The following PPP1R9A variants were observed in gnomAD, a reference collection of about 807,000 sequenced individuals.
The protein encoded by PPP1R9A is neurabin-1.
PPP1R9A carries 59 observed loss-of-function variants against 141.9 expected under a neutral mutation model. The observed-to-expected ratio is 0.42, with a 90% CI of 0.34 to 0.52. The LOEUF (loss-of-function observed/expected upper bound fraction) is 0.52, where lower values mean the gene tolerates loss of function less well. Ranked by LOEUF, PPP1R9A falls within the 20% of genes least tolerant of loss-of-function variation. The pLI, the probability that PPP1R9A is intolerant of heterozygous loss-of-function variation, is 0.10. For synonymous variants in PPP1R9A, 500 were observed against 569.7 expected (o/e 0.88, Z 1.74); for missense variants, 1,444 against 1,611.9 (o/e 0.90, Z 1.78).
chr7:95,027,905 G>T (rs1647786319), intron 2 of PPP1R9A, among the ~76,000 whole-genome samples: 1 of 152,078 alleles, frequency 6.6e-6, no homozygotes, highest in South Asian at 2.1e-4. Context: ...TCTTTATGCT[G>T]CATGCCTCAT....
chr7:95,085,687 T>C (rs1420737639), intron 2 of PPP1R9A, among the ~76,000 whole-genome samples: 1 of 151,952 alleles, frequency 6.6e-6, no homozygotes, highest in Admixed American at 6.5e-5. Flanking sequence ...AGTGCTGAGA[T>C]TACAGGCATG....
intron 1 of PPP1R9A, 158 bp downstream of exon 1, chr7:94,907,860 C>G (rs1367698303): frequency 2.7e-5 from 4 of 149,266 alleles, no homozygotes; most frequent in African/African-American, 9.7e-5. Context: ...GCGGGCGCGT[C>G]GCTGCTCGGG....
chr7:95,119,863 A>T (rs1822212832), intron 3 of PPP1R9A, among the ~76,000 whole-genome samples: 1 of 151,898 alleles, frequency 6.6e-6, no homozygotes, highest in Non-Finnish European at 1.5e-5. Context: ...ATACATTCAT[A>T]TATGTCTAAG....
At chr7:95,067,511 C>T (rs148113102) in intron 2 of PPP1R9A, among the ~76,000 whole-genome samples, 1 of 152,238 alleles carries the variant, frequency 6.6e-6, no homozygotes, top group African/African-American at 2.4e-5. Context: ...AAAACAAAGA[C>T]AGTTTATAAC....
At chr7:95,212,226 A>G (rs780853308) in intron 7 of PPP1R9A, among the ~76,000 whole-genome samples, 68 of 152,280 alleles carry the variant, frequency 4.5e-4, no homozygotes, top group Admixed American at 2.6e-3. Flanking sequence ...ATTTCAGGGT[A>G]CATGTGACAA....
intron 8 of PPP1R9A, among the ~76,000 whole-genome samples, chr7:95,234,753 A>G (rs1796446692): frequency 6.6e-6 from 1 of 152,176 alleles, no homozygotes; most frequent in Non-Finnish European, 1.5e-5. Flanking sequence ...TGGAGGCATC[A>G]CATTACCCAA....
At chr7:95,271,815 A>G (rs1371078461) in intron 14 of PPP1R9A, among the ~76,000 whole-genome samples, 2 of 152,222 alleles carry the variant, frequency 1.3e-5, no homozygotes, top group Non-Finnish European at 2.9e-5. Context: ...AAAGCCTAAC[A>G]GAAGTCTTAC....
At chr7:95,032,594 C>G (rs998280731) in intron 2 of PPP1R9A, among the ~76,000 whole-genome samples, 2 of 152,186 alleles carry the variant, frequency 1.3e-5, no homozygotes, top group African/African-American at 4.8e-5. Context: ...TTATATTCTA[C>G]CCCACAATGG....
chr7:95,291,325 C>T lies in PPP1R9A; in HGVS notation c.*1022C>T, dbSNP rs1018488007. Reference sequence around the variant, plus strand: ...CTACTCAAGATTTCCCAGGTGGGCTCAGTTAGTATTTTAACAAATGTACTT... The same window carrying T: ...CTACTCAAGATTTCCCAGGTGGGCTTAGTTAGTATTTTAACAAATGTACTT... On this transcript the variant is annotated 3_prime_UTR_variant, in exon 20 of 20. Transcript: ENST00000433360. 2.6e-5 allele frequency: 4 copies of T among 152,134 alleles called. No individual in the cohort carries two copies. The highest frequency in any genetic ancestry group is 1.3e-4 in the Admixed American group (2 of 15,290). The allele number at this position is 152,134 out of a possible 1,614,324, so 9.4% of individuals were successfully genotyped here. A position where few individuals can be genotyped will look rare whatever the true frequency, so the allele number is the denominator to read the frequency against.
chr7:95,028,034 A>C (rs1048656184), intron 2 of PPP1R9A, among the ~76,000 whole-genome samples: 1 of 152,136 alleles, frequency 6.6e-6, no homozygotes, highest in Non-Finnish European at 1.5e-5. Flanking sequence ...GATAACATAA[A>C]ATTATTTTCA....
At chr7:94,944,962 CTA>C (rs1039117698) in intron 2 of PPP1R9A, among the ~76,000 whole-genome samples, 1 of 151,998 alleles carries the variant, frequency 6.6e-6, no homozygotes, top group Non-Finnish European at 1.5e-5. Context: ...TTTGATAAGA[CTA>C]AAAGCTTTTT....
At chr7:95,017,672 G>T (rs1805296521) in intron 2 of PPP1R9A, among the ~76,000 whole-genome samples, 1 of 152,134 alleles carries the variant, frequency 6.6e-6, no homozygotes, top group African/African-American at 2.4e-5. Context: ...AAAAAAAGAA[G>T]GTTGGAGGAC....
chr7:95,198,347 A>G lies in PPP1R9A; in HGVS notation c.1755-2A>G. 1 of 1,597,214 alleles carries G rather than the reference A, an allele frequency of 6.3e-7. No individual in the cohort carries two copies. The highest frequency in any genetic ancestry group is 8.5e-7 in the Non-Finnish European group (1 of 1,174,742). ...TATTAGTCTTTGTTAACCTTTCCAC[A>G]GATTTGTTATTGGGCGGGAAAAACC... On this transcript the variant is annotated splice_acceptor_variant, in intron 5 of 19. Transcript: ENST00000433360. LOFTEE classifies it high-confidence loss of function.
chr7:95,045,276 A>G (rs888432104), intron 2 of PPP1R9A, among the ~76,000 whole-genome samples: 1 of 152,190 alleles, frequency 6.6e-6, no homozygotes, highest in Non-Finnish European at 1.5e-5. Context: ...AGCAGGAAAC[A>G]AAGGAAAGTA....
At chr7:95,173,433 A>T (rs1425499189) in intron 5 of PPP1R9A, among the ~76,000 whole-genome samples, 1 of 152,020 alleles carries the variant, frequency 6.6e-6, no homozygotes, top group Non-Finnish European at 1.5e-5. Context: ...ATGAATGAAA[A>T]AAAATTTTTA....
At chr7:95,182,164 T>C (rs927454526) in intron 5 of PPP1R9A, among the ~76,000 whole-genome samples, 2 of 151,170 alleles carry the variant, frequency 1.3e-5, no homozygotes, top group African/African-American at 4.9e-5. Context: ...CCCAATAAAC[T>C]GAAAAATAAA....
intron 10 of PPP1R9A, among the ~76,000 whole-genome samples, chr7:95,251,476 G>A (rs1345497071): frequency 6.6e-6 from 1 of 152,050 alleles, no homozygotes; most frequent in Non-Finnish European, 1.5e-5. Flanking sequence ...ACCCAATGTG[G>A]GTCATTAGTG....
At chr7:95,144,419 T>C (rs1023769171) in intron 4 of PPP1R9A, among the ~76,000 whole-genome samples, 4 of 152,192 alleles carry the variant, frequency 2.6e-5, no homozygotes, top group East Asian at 1.9e-4. Context: ...GGTTTTTTTT[T>C]CCATATTTTG....
intron 7 of PPP1R9A, among the ~76,000 whole-genome samples, chr7:95,218,185 T>G (rs903187039): frequency 3.3e-5 from 5 of 152,224 alleles, no homozygotes; most frequent in Non-Finnish European, 7.3e-5. Context: ...TCTCATTGGT[T>G]TCAAAGAACA....
Sources: allele counts gnomAD v4.1 joint callset (sites outside exome capture counted in the v4.1 genomes callset), GRCh38; gene constraint gnomAD v4.1.1; transcripts MANE v1.5; gene names NCBI Gene and HGNC (gene_info 2026-07-23, HGNC 2026-07-21).